BORA: variants seen among roughly 807,000 people sequenced by gnomAD.
BORA encodes the protein protein aurora borealis.
Under a neutral mutation model 55.8 loss-of-function variants are expected in BORA, and 26 were observed. That is an observed-to-expected ratio of 0.47 (90% CI 0.34 to 0.65). The LOEUF (loss-of-function observed/expected upper bound fraction) is 0.65. Among genes scored for constraint, BORA ranks in the 30% least tolerant of loss-of-function variants. The pLI, the probability that BORA is intolerant of heterozygous loss-of-function variation, is 0.01. For missense variants in BORA, 568 were observed against 671.5 expected (o/e 0.85, Z 1.70); for synonymous variants, 201 against 216.9 (o/e 0.93, Z 0.64).
intron 7 of BORA, 148 bp from the exon 8 acceptor site, chr13:72,744,832 TA>T: frequency 1.4e-6 from 1 of 689,788 alleles, no homozygotes; most frequent in Non-Finnish European, 2.4e-6. Flanking sequence ...ATTTAAGATG[TA>T]AAACATCAAA....
chr13:72,734,042 C>A (rs1006120738), intron 3 of BORA, among the ~76,000 whole-genome samples: 3 of 152,016 alleles, frequency 2.0e-5, no homozygotes, highest in African/African-American at 7.3e-5. Flanking sequence ...ACAGCACACA[C>A]TGGGGCCTGG....
At chr13:72,732,224 ATATTCTGGTAAATACT>A (rs1430914782) in intron 3 of BORA, among the ~76,000 whole-genome samples, 1 of 152,088 alleles carries the variant, frequency 6.6e-6, no homozygotes, top group Admixed American at 6.6e-5. Context: ...ACATATTGAG[ATATTCTGGTAAATACT>A]TACTGGCTTT....
At chr13:72,751,020 C>G (rs1034094344) in intron 10 of BORA, among the ~76,000 whole-genome samples, 13 of 152,290 alleles carry the variant, frequency 8.5e-5, no homozygotes, top group African/African-American at 2.9e-4. Context: ...TAGCCCAGCT[C>G]TGTTAGCTTT....
intron 10 of BORA, among the ~76,000 whole-genome samples, chr13:72,747,327 TG>T (rs2033171944): frequency 1.3e-5 from 2 of 152,104 alleles, no homozygotes; most frequent in South Asian, 4.1e-4. Context: ...AACTGATATT[TG>T]TATGGAGTAG....
chr13:72,743,708 C>T, intron 6 of BORA, 106 bp downstream of exon 6: 3 of 785,134 alleles, frequency 3.8e-6, no homozygotes, highest in Middle Eastern at 2.9e-4. Flanking sequence ...GAAATTGTTT[C>T]CTTTTTTTTT....
At chr13:72,732,502 C>T (rs916518930) in intron 3 of BORA, among the ~76,000 whole-genome samples, 1 of 151,922 alleles carries the variant, frequency 6.6e-6, no homozygotes. Context: ...TAGTGAAACC[C>T]CATCTCTACT....
At chr13:72,734,291 T>C (rs1006151798) in intron 3 of BORA, among the ~76,000 whole-genome samples, 3 of 152,064 alleles carry the variant, frequency 2.0e-5, no homozygotes, top group Non-Finnish European at 2.9e-5. Flanking sequence ...TTCTTTCCTG[T>C]AATGGAATAA....
Position 72,753,943 on chromosome 13 carries a change from C to G in BORA, c.1614+122C>G, listed in dbSNP as rs913101252. On this transcript the variant is annotated intron_variant, in intron 11 of 11. Coordinates refer to ENST00000390667, the MANE Select transcript of BORA (RefSeq NM_024808.5). ...AAATTTAAAACACTAAAAGGTAAGC[C>G]TGTTTTCTTAACATCCAATAACCTT... The G allele has an allele frequency of 9.7e-6, 10 of 1,034,886 alleles. No homozygotes were observed. The East Asian group carries it at 2.4e-4, about 25-fold the overall frequency. 64.1% of individuals were successfully genotyped at this position (1,034,886 alleles called of 1,614,324 possible).
Position 72,746,021 on chromosome 13 carries a change from T to G in BORA, c.816T>G (p.Ile272Met). The G allele has an allele frequency of 6.2e-7, 1 of 1,612,784 alleles. No homozygotes were observed. ...SLGSITSPSP[I>M]SSPTFSPIEF... Reference sequence around the variant, plus strand: ...GAAGCATAACTAGTCCTTCGCCTATTTCTTCACCCACTTTCTCACCAATTG... The same window carrying G: ...GAAGCATAACTAGTCCTTCGCCTATGTCTTCACCCACTTTCTCACCAATTG... The change falls in exon 9 of 12, where the codon ATT (isoleucine) becomes ATG (methionine). Residue 272 changes from isoleucine to methionine, a missense_variant. By Grantham distance (10) the Ile-to-Met change is conservative (BLOSUM62 1). Transcript: ENST00000390667.
chr13:72,736,143 T>G (rs1593808177), intron 4 of BORA, among the ~76,000 whole-genome samples: 1 of 152,170 alleles, frequency 6.6e-6, no homozygotes, highest in African/African-American at 2.4e-5. Context: ...GTCACTTGGT[T>G]CTTCCCCACC....
chr13:72,729,209 T>G lies in BORA; in HGVS notation c.153+116T>G, dbSNP rs1379745854. 1.5e-5 allele frequency: 13 copies of G among 850,724 alleles called. No homozygotes were observed. In the African/African-American group the frequency reaches 2.1e-4, roughly 14 times the overall value. 52.7% of individuals were successfully genotyped at this position (850,724 alleles called of 1,614,324 possible). On this transcript the variant is annotated intron_variant, in intron 2 of 11. Coordinates refer to ENST00000390667, the MANE Select transcript of BORA (RefSeq NM_024808.5). ...AGGAGGAAATACATTATGGAGCATA[T>G]ATAGCTGCAATATACTTTTTTAAAT... is the stretch of plus-strand genomic sequence containing the variant.
chr13:72,742,533 A>C (rs2033052670), intron 5 of BORA, among the ~76,000 whole-genome samples: 1 of 152,000 alleles, frequency 6.6e-6, no homozygotes, highest in Non-Finnish European at 1.5e-5. Context: ...TAACCTTTTA[A>C]GGTTGACGTC....
rs780453651 is a variant in BORA at position 72,727,977 on chromosome 13, C to T, written c.-46C>T. On this transcript the variant is annotated 5_prime_UTR_variant, in exon 1 of 12. Coordinates refer to ENST00000390667, the MANE Select transcript of BORA (RefSeq NM_024808.5). ...CCTGGCCCCCGGAGCTCCCTGGAGT[C>T]GGTACTGGGGGCTTCGTTTTGTACG... is the stretch of plus-strand genomic sequence containing the variant. 1 of 1,550,260 alleles carries T rather than the reference C, an allele frequency of 6.5e-7. No homozygotes were observed. Among genetic ancestry groups the T allele is most frequent in the South Asian group, 1.2e-5 (1 of 84,040 alleles).
chr13:72,743,882 C>T (rs1365755035), intron 6 of BORA, among the ~76,000 whole-genome samples: 1 of 151,890 alleles, frequency 6.6e-6, no homozygotes, highest in Non-Finnish European at 1.5e-5. Flanking sequence ...ACTACAGGCA[C>T]CCGCCACCAC....
rs553891166 is a variant in BORA at position 72,745,971 on chromosome 13, G to C, written c.766G>C (p.Ala256Pro). 6.2e-7 allele frequency: 1 copy of C among 1,612,730 alleles called. No homozygotes were observed. The highest frequency in any genetic ancestry group is 1.1e-5 in the South Asian group (1 of 90,968). Residue 256 changes from alanine (A) to proline (P), a missense_variant, in exon 9 of 12, where the codon GCT becomes CCT. Transcript: ENST00000390667. ...GCAGTTTTCTTCTAGCCCTATTCAG[G>C]CTAGTGCAAAAAAATACAGCTTGGG... is the stretch of plus-strand genomic sequence containing the variant. ...SGQFSSSPIQ[A>P]SAKKYSLGSI...
In BORA at chr13:72,755,569, G is replaced by A. The variant is rs2033438631; in HGVS notation, c.*353G>A. 3.0e-6 allele frequency: 1 copy of A among 330,958 alleles called. No individual in the cohort carries two copies. The highest frequency in any genetic ancestry group is 5.4e-6 in the Non-Finnish European group (1 of 185,182). The allele number at this position is 330,958 out of a possible 1,614,324, so 20.5% of individuals were successfully genotyped here. On this transcript the variant is annotated 3_prime_UTR_variant, in exon 12 of 12. Transcript: ENST00000390667. ...CTGAATTTAGCAGTTCTGAGAACAT[G>A]TGAAACTATGTTAAAACTGAAGGCA... is the stretch of plus-strand genomic sequence containing the variant.
chr13:72,741,545 T>C (rs920553931), intron 5 of BORA, among the ~76,000 whole-genome samples: 5 of 152,248 alleles, frequency 3.3e-5, no homozygotes, highest in Admixed American at 6.5e-5. Context: ...TCTCCCATTC[T>C]GTCATATGTA....
chr13:72,736,375 T>G (rs2032927783), intron 4 of BORA, among the ~76,000 whole-genome samples: 1 of 152,104 alleles, frequency 6.6e-6, no homozygotes, highest in Non-Finnish European at 1.5e-5. Context: ...ATGAAGGTAA[T>G]GACTATAACA....
rs771773125 is a variant in BORA at position 72,729,054 on chromosome 13, T to G, written c.114T>G (p.Thr38=). ...ATTATTCTAATCTCCATGAACAAAC[T>G]CTCGCCAGTCCTTCTGTTTTTAAAT... is the stretch of plus-strand genomic sequence containing the variant. ...PSDYSNLHEQ[T]LASPSVFKST... Residue 38 remains threonine, a synonymous_variant, in exon 2 of 12, where the codon ACT becomes ACG. Transcript: ENST00000390667. The G allele has an allele frequency of 6.3e-7, 1 of 1,591,442 alleles. No individual in the cohort carries two copies. Among genetic ancestry groups the G allele is most frequent in the South Asian group, 1.2e-5 (1 of 86,328 alleles).
Sources: allele counts gnomAD v4.1 joint callset (sites outside exome capture counted in the v4.1 genomes callset), GRCh38; gene constraint gnomAD v4.1.1; transcripts MANE v1.5; gene names NCBI Gene and HGNC (gene_info 2026-07-23, HGNC 2026-07-21).